Variants in NF1 observed in about 807,000 individuals in gnomAD.
The protein encoded by NF1 is neurofibromin 1.
NF1 carries 122 observed loss-of-function variants against 325.7 expected under a neutral mutation model. That is an observed-to-expected ratio of 0.37 (90% CI 0.32 to 0.44). The LOEUF (loss-of-function observed/expected upper bound fraction) is 0.44. Ranked by LOEUF, NF1 falls within the 20% of genes least tolerant of loss-of-function variation. NF1 has a pLI of 1.00. For missense variants in NF1, 2,140 were observed against 3,415.4 expected (o/e 0.63, Z 9.31); for synonymous variants, 1,091 against 1,186.0 (o/e 0.92, Z 1.65).
At chr17:31,216,943 G>A (rs1057114213) in intron 13 of NF1, among the ~76,000 whole-genome samples, 1 of 152,128 alleles carries the variant, frequency 6.6e-6, no homozygotes, top group Non-Finnish European at 1.5e-5. Flanking sequence ...CACTAAGGAA[G>A]CCTCCCTGAG....
At chr17:31,218,883 C>A in intron 13 of NF1, 122 bp from the exon 14 acceptor site, 1 of 1,018,918 alleles carries the variant, frequency 9.8e-7, no homozygotes, top group Non-Finnish European at 1.5e-6. Context: ...AGTTCTAGAA[C>A]ATTGTTATCA....
At chr17:31,194,236 G>A (rs1015593363) in intron 8 of NF1, among the ~76,000 whole-genome samples, 3 of 152,084 alleles carry the variant, frequency 2.0e-5, no homozygotes, top group African/African-American at 7.2e-5. Flanking sequence ...GTATTTTGAG[G>A]CACGTGGATT....
In NF1 at chr17:31,182,551, A is replaced by G. The variant is rs1555608947; in HGVS notation, c.774A>G (p.Glu258=). The change falls in exon 8 of 58, where the codon GAA becomes GAG. Residue 258 remains glutamate (E), a synonymous_variant. Transcript: ENST00000358273. Reference sequence around the variant, plus strand: ...TTGACTTGGTGGATGGTTTTGCTGAAAGCACCAAACGTAAAGCAGCAGTTT... The same window carrying G: ...TTGACTTGGTGGATGGTTTTGCTGAGAGCACCAAACGTAAAGCAGCAGTTT... ...KLFDLVDGFA[E]STKRKAAVWP... 2.5e-6 allele frequency: 4 copies of G among 1,614,124 alleles called. No individual in the cohort carries two copies. The highest frequency in any genetic ancestry group is 3.4e-6 in the Non-Finnish European group (4 of 1,179,964).
At chr17:31,212,420 T>C (rs987162087) in intron 12 of NF1, among the ~76,000 whole-genome samples, 1 of 152,222 alleles carries the variant, frequency 6.6e-6, no homozygotes, top group Non-Finnish European at 1.5e-5. Flanking sequence ...CAAAGTATAC[T>C]ATAGTAGGCT....
chr17:31,138,670 T>C (rs1280531824), intron 1 of NF1, among the ~76,000 whole-genome samples: 1 of 151,484 alleles, frequency 6.6e-6, no homozygotes, highest in African/African-American at 2.4e-5. Context: ...CTCGGCTCAC[T>C]GCAAGCTCCG....
chr17:31,110,797 A>T (rs1913332922), intron 1 of NF1, among the ~76,000 whole-genome samples: 1 of 152,052 alleles, frequency 6.6e-6, no homozygotes, highest in Admixed American at 6.5e-5. Context: ...CAAAAACACA[A>T]CGTTGGTTGC....
rs551683052 is a variant in NF1 at position 31,232,562 on chromosome 17, T to A, written c.3315-138T>A. 46 of 824,258 alleles carry A rather than the reference T, an allele frequency of 5.6e-5. 1 individual carries two copies. In the South Asian group the frequency reaches 6.9e-4, roughly 12 times the overall value. The allele number at this position is 824,258 out of a possible 1,614,324, so 51.1% of individuals were successfully genotyped here. On this transcript the variant is annotated intron_variant, in intron 25 of 57. Coordinates refer to ENST00000358273, the MANE Select transcript of NF1 (RefSeq NM_001042492.3). The stretch of plus-strand genomic sequence containing the variant: ...ACACTTCATAATAAGCCACCCTGGC[T>A]GATTATCGCGAGAGAGGAGAGAAAC...
At chr17:31,295,861 T>G (rs770540258) in intron 36 of NF1, 10 of 1,614,046 alleles carry the variant, frequency 6.2e-6, no homozygotes, top group Non-Finnish European at 7.6e-6. Context: ...CTGTCCAAAG[T>G]TTGTTACTAC....
chr17:31,320,509 G>T (rs1320921677), intron 36 of NF1: 10 of 1,252,412 alleles, frequency 8.0e-6, no homozygotes, highest in African/African-American at 1.5e-5. Context: ...GCTGACATTT[G>T]TATACTATTA....
In NF1 at chr17:31,163,250, G is replaced by T; in HGVS notation, c.353G>T (p.Cys118Phe). 1 of 1,614,136 alleles carries T rather than the reference G, an allele frequency of 6.2e-7. No homozygotes were observed. The highest frequency in any genetic ancestry group is 8.5e-7 in the Non-Finnish European group (1 of 1,180,018). ...MLVKQLLPEI[C>F]HFLHTCREGN... Reference sequence around the variant, plus strand: ...GTCAAACAGTTGCTGCCAGAAATCTGCCATTTTCTTCACACCTGTCGTGAA... The same window carrying T: ...GTCAAACAGTTGCTGCCAGAAATCTTCCATTTTCTTCACACCTGTCGTGAA... Residue 118 changes from cysteine (C) to phenylalanine (F), a missense_variant, in exon 4 of 58, where the codon TGC becomes TTC. By Grantham distance (205) the Cys-to-Phe change is radical (BLOSUM62 -2). This residue lies in a region of NF1 where 246 missense variants were observed against 347.8 expected (regional missense o/e 0.71). Transcript: ENST00000358273.
intron 23 of NF1, 114 bp downstream of exon 23, chr17:31,230,496 A>T: frequency 1.5e-6 from 2 of 1,300,368 alleles, no homozygotes; most frequent in African/African-American, 1.5e-5. Context: ...AAAAGAGAGC[A>T]ATTTACATGT....
At chr17:31,244,688 T>G (rs1417175315) in intron 29 of NF1, among the ~76,000 whole-genome samples, 3 of 152,092 alleles carry the variant, frequency 2.0e-5, no homozygotes, top group Non-Finnish European at 4.4e-5. Context: ...TGCCAGGAGG[T>G]GAAGGAAGGG....
At chr17:31,152,038 C>G (rs571526846) in intron 1 of NF1, among the ~76,000 whole-genome samples, 2 of 152,086 alleles carry the variant, frequency 1.3e-5, no homozygotes, top group Non-Finnish European at 2.9e-5. Context: ...CCCCCTCCCC[C>G]TACCCCACGA....
chr17:31,304,332 G>A, intron 36 of NF1: 1 of 1,614,124 alleles, frequency 6.2e-7, no homozygotes, highest in Non-Finnish European at 8.5e-7. Context: ...GAGGAATAGA[G>A]AACTCCTGAC....
intron 1 of NF1, chr17:31,128,413 G>A (rs1915067765): frequency 6.6e-6 from 1 of 152,122 alleles, no homozygotes; most frequent in Non-Finnish European, 1.5e-5. Flanking sequence ...TTGCTTTGTA[G>A]TGTCACTGGT....
At chr17:31,146,863 G>A (rs1396419320) in intron 1 of NF1, among the ~76,000 whole-genome samples, 1 of 152,196 alleles carries the variant, frequency 6.6e-6, no homozygotes, top group Non-Finnish European at 1.5e-5. Context: ...TCTTGGGAAG[G>A]ATATGACCTT....
In NF1 at chr17:31,214,520, A is replaced by G; in HGVS notation, c.1462A>G (p.Ser488Gly). ...KEKPTDLETR[S>G]YKYLLLSMVK... ...AAAACCTACAGACCTGGAGACAAGA[A>G]GCTATAAGTATCTTCTCTTGTCCAT... The change falls in exon 13 of 58, where the codon AGC becomes GGC. Residue 488 changes from serine to glycine, a missense_variant. Around this residue, in one of 10 missense-constraint regions of NF1, gnomAD observed 179 missense variants for 381.0 expected, o/e 0.47. Transcript: ENST00000358273. 2 of 1,611,300 alleles carry G rather than the reference A, an allele frequency of 1.2e-6. No individual in the cohort carries two copies. The highest frequency in any genetic ancestry group is 1.7e-6 in the Non-Finnish European group (2 of 1,177,812).
Position 31,181,428 on chromosome 17 carries a change from C to G in NF1, c.593C>G (p.Ala198Gly), listed in dbSNP as rs863224663. ...AAAATTGTGTTTTTTCCAGAAACAG[C>G]ATTTAAATTTAAAGCCCTAAAGAAG... is the stretch of plus-strand genomic sequence containing the variant. ...AKLKRLLKETAFKFKALKKVA... is the reference protein window; with the variant it reads ...AKLKRLLKETGFKFKALKKVA... Residue 198 changes from alanine (A) to glycine (G), a missense_variant, in exon 6 of 58, where the codon GCA becomes GGA. Coordinates refer to ENST00000358273, the MANE Select transcript of NF1 (RefSeq NM_001042492.3). 1 of 1,613,014 alleles carries G rather than the reference C, an allele frequency of 6.2e-7. No homozygotes were observed. Among genetic ancestry groups the G allele is most frequent in the Non-Finnish European group, 8.5e-7 (1 of 1,179,432 alleles).
chr17:31,265,572 T>A (rs1483344794), intron 36 of NF1, among the ~76,000 whole-genome samples: 1 of 151,964 alleles, frequency 6.6e-6, no homozygotes, highest in African/African-American at 2.4e-5. Flanking sequence ...CATCATTTTT[T>A]AAAATACTGC....
Sources: allele counts gnomAD v4.1 joint callset (sites outside exome capture counted in the v4.1 genomes callset), GRCh38; gene constraint gnomAD v4.1.1; regional missense constraint gnomAD v4.1.1; transcripts MANE v1.5; gene names NCBI Gene and HGNC (gene_info 2026-07-23, HGNC 2026-07-21).